Variants in ABCC8 observed in about 807,000 individuals in gnomAD.
ABCC8 encodes ATP-binding cassette sub-family C member 8.
Under a neutral mutation model 188.0 loss-of-function variants are expected in ABCC8, and 137 were observed. The ratio of observed to expected loss-of-function variants is 0.73; its 90% CI spans 0.63 to 0.84. The LOEUF (loss-of-function observed/expected upper bound fraction) is 0.84, where lower values mean the gene tolerates loss of function less well. Ranked by LOEUF, ABCC8 falls within the 40% of genes least tolerant of loss-of-function variation. The pLI, the probability that ABCC8 is intolerant of heterozygous loss-of-function variation, is 0.00. For missense variants in ABCC8, 1,750 were observed against 2,072.7 expected, an observed-to-expected ratio of 0.84 and a Z score of 3.02; for synonymous variants, 797 against 846.5, an observed-to-expected ratio of 0.94 and a Z score of 1.01.
intron 22 of ABCC8, among the ~76,000 whole-genome samples, chr11:17,409,495 T>G (rs1297046131): frequency 2.6e-5 from 4 of 152,242 alleles, no homozygotes; most frequent in Non-Finnish European, 4.4e-5. Flanking sequence ...CTTCTGTATC[T>G]GTATATATAT....
At chr11:17,411,178 T>C (rs529409373) in intron 21 of ABCC8, among the ~76,000 whole-genome samples, 5 of 152,296 alleles carry the variant, frequency 3.3e-5, no homozygotes, top group Non-Finnish European at 7.4e-5. Flanking sequence ...ACGCCTACCC[T>C]TCCTTCCTCC....
intron 7 of ABCC8, 147 bp from the exon 8 acceptor site, chr11:17,448,818 C>A: frequency 7.7e-7 from 1 of 1,297,092 alleles, no homozygotes. Context: ...ACTGTATCAC[C>A]GTTCCAACTT....
intron 36 of ABCC8, 170 bp from the exon 37 acceptor site, chr11:17,394,569 G>T: frequency 1.3e-6 from 1 of 779,364 alleles, no homozygotes; most frequent in Non-Finnish European, 1.6e-6. Flanking sequence ...ACACAACAAT[G>T]TGGAGGCCGT....
intron 10 of ABCC8, among the ~76,000 whole-genome samples, chr11:17,442,010 G>A (rs191522993): frequency 1.3e-5 from 2 of 152,270 alleles, no homozygotes; most frequent in Admixed American, 6.5e-5. Flanking sequence ...AACCTGGGAT[G>A]TGGAGGTTGC....
intron 33 of ABCC8, chr11:17,396,403 G>A: frequency 3.2e-6 from 1 of 313,680 alleles, no homozygotes; most frequent in Middle Eastern, 1.1e-3. Context: ...ATAGAAGGAT[G>A]AGAGAGGCAG....
intron 22 of ABCC8, 104 bp from the exon 23 acceptor site, chr11:17,408,621 C>T (rs903370910): frequency 2.0e-5 from 30 of 1,505,516 alleles, no homozygotes; most frequent in Non-Finnish European, 2.3e-5. Flanking sequence ...CATCCCTTTC[C>T]TCACTACAAA....
In ABCC8 at chr11:17,427,956, G is replaced by A. The variant is rs1191412833; in HGVS notation, c.2041-14C>T. On this transcript the variant is annotated splice_polypyrimidine_tract_variant and intron_variant, in intron 14 of 38. Transcript: ENST00000389817. The surrounding 1 kb of genome is among the most constrained non-coding windows in gnomAD (Gnocchi z 5.0). ...GCCTCCCATGATCTTCATTAGGCGT[G>A]TCCCACCGCCCAGGAGAGAACAGAA... 2 of 1,612,572 alleles carry A rather than the reference G, an allele frequency of 1.2e-6. No individual in the cohort carries two copies. The highest frequency in any genetic ancestry group is 1.7e-6 in the Non-Finnish European group (2 of 1,179,380).
At chr11:17,411,481 A>T (rs1348620033) in intron 21 of ABCC8, among the ~76,000 whole-genome samples, 4 of 152,152 alleles carry the variant, frequency 2.6e-5, no homozygotes, top group Non-Finnish European at 5.9e-5. Flanking sequence ...GAATCTTCCC[A>T]CTGTGAAGTG....
rs187206465 is a variant in ABCC8 at position 17,429,298 on chromosome 11, T to C, written c.1818-628A>G. On this transcript the variant is annotated intron_variant, in intron 12 of 38. Coordinates refer to ENST00000389817, the MANE Select transcript of ABCC8 (RefSeq NM_000352.6). Reference sequence around the variant, plus strand: ...TGTATTCCCCTTTCTTCTCTTTTGCTAAATGTCCAACAGGCCTGGGGCAGA... The same window carrying C: ...TGTATTCCCCTTTCTTCTCTTTTGCCAAATGTCCAACAGGCCTGGGGCAGA... 578 of 153,360 alleles carry C rather than the reference T, an allele frequency of 3.8e-3. 1 individual carries two copies. Among genetic ancestry groups the C allele is most frequent in the Admixed American group, 7.4e-3 (114 of 15,430 alleles). The allele number at this position is 153,360 out of a possible 1,614,324, so 9.5% of individuals were successfully genotyped here.
rs1954443772 is a variant in ABCC8, at chr11:17,404,925, C to T, written c.3400-256G>A. Among the ~76,000 whole-genome samples the T allele has an allele frequency of 6.6e-6, 1 of 152,052 alleles. No individual in the cohort carries two copies. Among genetic ancestry groups the T allele is most frequent in the African/African-American group, 2.4e-5 (1 of 41,396 alleles). ...TACAGGCACCTGCCACCACACCTGG[C>T]TAATTTTTGTATTTTTAATAGAGAA... On this transcript the variant is annotated intron_variant, in intron 27 of 38. Coordinates refer to ENST00000389817, the MANE Select transcript of ABCC8 (RefSeq NM_000352.6). This position sits in a 1 kb window ranked among gnomAD's most constrained non-coding sequence, Gnocchi z 4.7.
At chr11:17,414,362 G>C in intron 19 of ABCC8, 150 bp downstream of exon 19, 2 of 1,134,890 alleles carry the variant, frequency 1.8e-6, no homozygotes, top group South Asian at 2.6e-5. Flanking sequence ...CTCTCCAGGT[G>C]CACCATATGG....
At position 17,430,544 on chromosome 11, in the gene ABCC8, C is replaced by G; in HGVS notation, c.1817+270G>C. 3 of 496,866 alleles carry G rather than the reference C, an allele frequency of 6.0e-6. No individual in the cohort carries two copies. The South Asian group carries it at 6.2e-5, about 10-fold the overall frequency. The allele number at this position is 496,866 out of a possible 1,614,324, so 30.8% of individuals were successfully genotyped here. A position where few individuals can be genotyped will look rare whatever the true frequency, so the allele number is the denominator to read the frequency against. ...GGAGGATTCCACATTTGGCTCAACA[C>G]TGGTTTTTTTTTTTTTTTAAGTTGT... is the stretch of plus-strand genomic sequence containing the variant. On this transcript the variant is annotated intron_variant, in intron 12 of 38. Coordinates refer to ENST00000389817, the MANE Select transcript of ABCC8 (RefSeq NM_000352.6).
intron 16 of ABCC8, among the ~76,000 whole-genome samples, chr11:17,425,281 C>A (rs1389102269): frequency 6.6e-6 from 1 of 152,188 alleles, no homozygotes; most frequent in East Asian, 1.9e-4. Flanking sequence ...AGCCCACGAC[C>A]CCACTGAGGA....
At chr11:17,461,958 A>C in intron 4 of ABCC8, 133 bp from the exon 5 acceptor site, 1 of 1,449,744 alleles carries the variant, frequency 6.9e-7, no homozygotes, top group Non-Finnish European at 9.2e-7. Context: ...TTCGCCTGTA[A>C]TTATTACCAG....
intron 8 of ABCC8, among the ~76,000 whole-genome samples, chr11:17,445,313 A>G (rs1409414185): frequency 8.0e-6 from 1 of 125,556 alleles, no homozygotes; most frequent in Non-Finnish European, 1.8e-5. Flanking sequence ...AACGGTGGCC[A>G]AGGGCTGGGG....
intron 10 of ABCC8, among the ~76,000 whole-genome samples, chr11:17,433,198 C>A (rs1227591013): frequency 1.3e-5 from 2 of 152,206 alleles, no homozygotes; most frequent in South Asian, 2.1e-4. Context: ...GCAGCCCCCC[C>A]ATGGCATAAG....
intron 22 of ABCC8, 175 bp from the exon 23 acceptor site, chr11:17,408,692 C>A (rs778114883): frequency 5.6e-6 from 3 of 536,192 alleles, no homozygotes; most frequent in Non-Finnish European, 7.1e-6. Context: ...AACCAACATA[C>A]TCCTAGGACC....
intron 22 of ABCC8, among the ~76,000 whole-genome samples, chr11:17,409,031 G>A (rs963043154): frequency 6.8e-6 from 1 of 146,034 alleles, no homozygotes; most frequent in Non-Finnish European, 1.5e-5. Context: ...TCAGCTCACT[G>A]CAATCTCTGC....
At chr11:17,470,999 G>A (rs551384839) in intron 2 of ABCC8, among the ~76,000 whole-genome samples, 111 of 152,318 alleles carry the variant, frequency 7.3e-4, no homozygotes, top group African/African-American at 2.6e-3. Flanking sequence ...ACTCTGCTCA[G>A]CCTGGAACGA....
Sources: allele counts gnomAD v4.1 joint callset (sites outside exome capture counted in the v4.1 genomes callset), GRCh38; gene constraint gnomAD v4.1.1; non-coding constraint Gnocchi (gnomAD v3.1); transcripts MANE v1.5; gene names NCBI Gene and HGNC (gene_info 2026-07-23, HGNC 2026-07-21).